Variants in PTPRM observed in about 807,000 individuals in gnomAD.
The protein encoded by PTPRM is receptor-type tyrosine-protein phosphatase mu.
A neutral mutation model predicts 186.7 loss-of-function variants in PTPRM; 47 were observed. The observed-to-expected ratio is 0.25, with a 90% CI of 0.20 to 0.32. The LOEUF (loss-of-function observed/expected upper bound fraction) is 0.32, where lower values mean the gene tolerates loss of function less well. Among genes scored for constraint, PTPRM ranks in the 10% least tolerant of loss-of-function variants. The pLI is 1.00. For missense variants in PTPRM, 1,494 were observed against 1,865.0 expected (o/e 0.80, Z 3.66); for synonymous variants, 668 against 674.9 (o/e 0.99, Z 0.16).
chr18:7,962,924 G>A (rs1372015344), intron 7 of PTPRM, among the ~76,000 whole-genome samples: 1 of 152,216 alleles, frequency 6.6e-6, no homozygotes, highest in Non-Finnish European at 1.5e-5. Flanking sequence ...AACAATGGCT[G>A]TTATTCGGAA....
intron 1 of PTPRM, among the ~76,000 whole-genome samples, chr18:7,706,441 T>TA (rs902653241): frequency 2.7e-4 from 41 of 149,862 alleles, no homozygotes; most frequent in Non-Finnish European, 4.6e-4. Flanking sequence ...TACAAAAAAA[T>TA]AAAAAAAATT....
At chr18:8,319,281 A>G in intron 22 of PTPRM, 67 bp downstream of exon 22, 2 of 1,172,398 alleles carry the variant, frequency 1.7e-6, no homozygotes, top group Non-Finnish European at 2.5e-6. Context: ...TTTTGTACCC[A>G]CTTCACCCTC....
intron 23 of PTPRM, among the ~76,000 whole-genome samples, chr18:8,346,689 A>G (rs1320464129): frequency 6.6e-6 from 1 of 152,172 alleles, no homozygotes; most frequent in Non-Finnish European, 1.5e-5. Flanking sequence ...GGACTCAATA[A>G]TACAGCTATT....
chr18:8,056,778 A>G (rs768885277), intron 7 of PTPRM, among the ~76,000 whole-genome samples: 3 of 151,790 alleles, frequency 2.0e-5, no homozygotes, highest in Admixed American at 1.3e-4. Flanking sequence ...GAACATCTGA[A>G]CATTGTTTTT....
intron 19 of PTPRM, among the ~76,000 whole-genome samples, chr18:8,291,138 C>T (rs1286555194): frequency 6.6e-6 from 1 of 152,182 alleles, no homozygotes; most frequent in African/African-American, 2.4e-5. Flanking sequence ...GCCATCCCTC[C>T]TGCTCTCTCT....
chr18:8,260,214 AGTGTAGTG>A (rs2094614807), intron 19 of PTPRM, among the ~76,000 whole-genome samples: 1 of 151,990 alleles, frequency 6.6e-6, no homozygotes, highest in African/African-American at 2.4e-5. Context: ...CCCAGGCTGG[AGTGTAGTG>A]GTGTAATCAT....
At chr18:7,942,732 G>T (rs1263955837) in intron 5 of PTPRM, among the ~76,000 whole-genome samples, 1 of 152,096 alleles carries the variant, frequency 6.6e-6, no homozygotes, top group African/African-American at 2.4e-5. Context: ...GTATGCCAAG[G>T]TGCCATATTT....
At chr18:7,728,108 C>T (rs963011701) in intron 1 of PTPRM, among the ~76,000 whole-genome samples, 1 of 152,060 alleles carries the variant, frequency 6.6e-6, no homozygotes, top group Non-Finnish European at 1.5e-5. Flanking sequence ...TATTTTTGTG[C>T]TGTAATAGGA....
chr18:7,661,751 C>T (rs940070871), intron 1 of PTPRM, among the ~76,000 whole-genome samples: 1 of 152,148 alleles, frequency 6.6e-6, no homozygotes, highest in Non-Finnish European at 1.5e-5. Context: ...CCAATAGACT[C>T]CTGGTGTATA....
At chr18:7,974,172 C>G (rs941190692) in intron 7 of PTPRM, among the ~76,000 whole-genome samples, 1 of 152,150 alleles carries the variant, frequency 6.6e-6, no homozygotes, top group African/African-American at 2.4e-5. Context: ...CGAGTAGGCA[C>G]AACTGAGTCA....
chr18:7,585,715 A>G (rs1450094926), intron 1 of PTPRM, among the ~76,000 whole-genome samples: 1 of 152,046 alleles, frequency 6.6e-6, no homozygotes, highest in African/African-American at 2.4e-5. Context: ...TCTGTATCCC[A>G]CTTAACCATG....
intron 23 of PTPRM, among the ~76,000 whole-genome samples, chr18:8,355,487 A>G (rs2095558735): frequency 6.6e-6 from 1 of 152,280 alleles, no homozygotes; most frequent in Middle Eastern, 3.4e-3. Context: ...AGGCCTTGTC[A>G]TGGATATACC....
chr18:7,752,842 G>T (rs1035280772), intron 1 of PTPRM, among the ~76,000 whole-genome samples: 1 of 151,264 alleles, frequency 6.6e-6, no homozygotes, highest in Non-Finnish European at 1.5e-5. Context: ...TTTTAGTTAG[G>T]CACTTGGCAA....
At chr18:7,803,043 C>T (rs2145378604) in intron 2 of PTPRM, among the ~76,000 whole-genome samples, 1 of 152,150 alleles carries the variant, frequency 6.6e-6, no homozygotes, top group South Asian at 2.1e-4. Context: ...GGGTAGTATC[C>T]AATCTGAGAC....
At chr18:7,930,100 A>G (rs1482833997) in intron 5 of PTPRM, among the ~76,000 whole-genome samples, 1 of 151,990 alleles carries the variant, frequency 6.6e-6, no homozygotes, top group African/African-American at 2.4e-5. Flanking sequence ...ACAGGGTCTC[A>G]CTCTGTCACC....
chr18:7,885,134 C>T (rs1260923794), intron 2 of PTPRM, among the ~76,000 whole-genome samples: 1 of 152,060 alleles, frequency 6.6e-6, no homozygotes, highest in Non-Finnish European at 1.5e-5. Context: ...GAACCCCAGA[C>T]CCTGAACCCA....
intron 2 of PTPRM, among the ~76,000 whole-genome samples, chr18:7,806,855 A>AG (rs1203339094): frequency 1.3e-5 from 2 of 152,246 alleles, no homozygotes; most frequent in African/African-American, 4.8e-5. Flanking sequence ...TAGTGATGGA[A>AG]GGGAGAACCT....
intron 1 of PTPRM, among the ~76,000 whole-genome samples, chr18:7,708,596 T>C (rs2040146529): frequency 6.6e-6 from 1 of 152,148 alleles, no homozygotes; most frequent in Admixed American, 6.5e-5. Flanking sequence ...TAAAATAGGC[T>C]TAGATTAGCT....
At chr18:7,782,600 C>T (rs1397102943) in intron 2 of PTPRM, among the ~76,000 whole-genome samples, 1 of 152,182 alleles carries the variant, frequency 6.6e-6, no homozygotes, top group Admixed American at 6.5e-5. Flanking sequence ...CCTCCTTCCT[C>T]CTCCCCCAGC....
Sources: gnomAD v4.1 joint callset for allele counts (sites outside exome capture counted in the v4.1 genomes callset) on GRCh38, gnomAD v4.1.1 for gene constraint, MANE v1.5 for transcripts, NCBI Gene and HGNC (gene_info 2026-07-23, HGNC 2026-07-21) for gene names.